The following PITPNM2 variants were observed in gnomAD, a reference collection of about 807,000 sequenced individuals.
The protein encoded by PITPNM2 is membrane-associated phosphatidylinositol transfer protein 2.
PITPNM2 carries 35 observed loss-of-function variants against 132.2 expected under a neutral mutation model. That is an observed-to-expected ratio of 0.26 (90% confidence interval 0.20 to 0.35). The LOEUF is 0.35. Among genes scored for constraint, PITPNM2 ranks in the 10% least tolerant of loss-of-function variants. PITPNM2 has a pLI of 1.00. For missense variants in PITPNM2, 1,332 were observed against 1,912.0 expected (o/e 0.70, Z 5.66); for synonymous variants, 738 against 799.2 (o/e 0.92, Z 1.29).
chr12:123,100,293 T>C (rs2042529427), intron 2 of PITPNM2, among the ~76,000 whole-genome samples: 1 of 152,198 alleles, frequency 6.6e-6, no homozygotes, highest in African/African-American at 2.4e-5. Flanking sequence ...ATTCCACTTG[T>C]AGGCATGTGC....
Position 123,078,924 on chromosome 12 carries a change from A to C in PITPNM2, c.-96+31461T>G, listed in dbSNP as rs1385997342. ...GCTGGGAAGAAAGCCACGAGACCTCAGTGGGGTCGCAGTCTCTCTTCTTGG... is the reference window on the plus strand; with the variant it reads ...GCTGGGAAGAAAGCCACGAGACCTCCGTGGGGTCGCAGTCTCTCTTCTTGG... On this transcript the variant is annotated intron_variant, in intron 2 of 25. Coordinates refer to ENST00000320201, the MANE Select transcript of PITPNM2 (RefSeq NM_020845.3). The surrounding 1 kb of genome is among the most constrained non-coding windows in gnomAD (Gnocchi z 7.3). Among the ~76,000 whole-genome samples the C allele has an allele frequency of 6.6e-6, 1 of 152,224 alleles. No homozygotes were observed. Among genetic ancestry groups the C allele is most frequent in the East Asian group, 1.9e-4 (1 of 5,200 alleles).
At chr12:123,068,429 C>T (rs999147229) in intron 2 of PITPNM2, among the ~76,000 whole-genome samples, 25 of 151,724 alleles carry the variant, frequency 1.6e-4, no homozygotes, top group African/African-American at 5.3e-4. Context: ...GCCTGGGCGA[C>T]AGAGCGAGAC....
In PITPNM2 at chr12:123,082,225, C is replaced by T. The variant is rs2041984902; in HGVS notation, c.-96+28160G>A. Reference sequence around the variant, plus strand: ...CCTGCCTTGGGGCATCTGTACTTGCCACTCTCCCTCCCCTCTGCTCAAGGG... The same window carrying T: ...CCTGCCTTGGGGCATCTGTACTTGCTACTCTCCCTCCCCTCTGCTCAAGGG... On this transcript the variant is annotated intron_variant, in intron 2 of 25. Coordinates refer to ENST00000320201, the MANE Select transcript of PITPNM2 (RefSeq NM_020845.3). The surrounding 1 kb of genome is among the most constrained non-coding windows in gnomAD (Gnocchi z 5.4). Among the ~76,000 whole-genome samples, 1 of 152,198 alleles carries T rather than the reference C, an allele frequency of 6.6e-6. No individual in the cohort carries two copies. Among genetic ancestry groups the T allele is most frequent in the East Asian group, 1.9e-4 (1 of 5,184 alleles).
chr12:122,990,578 C>T lies in PITPNM2; in HGVS notation c.2536G>A (p.Ala846Thr). 6.2e-7 allele frequency: 1 copy of T among 1,612,892 alleles called. No individual in the cohort carries two copies. Among genetic ancestry groups the T allele is most frequent in the Non-Finnish European group, 8.5e-7 (1 of 1,179,974 alleles). Residue 846 changes from alanine to threonine, a missense_variant, in exon 17 of 26, where the codon GCT (alanine) becomes ACT (threonine). Transcript: ENST00000320201. ...ATGCTGGATGCCGTGTAGCTCTCAG[C>T]CATGCCTGACACCTGGCTGGCGATG... Reference protein sequence around the residue: ...ISIASQVSGMAESYTASSIAQ... With the variant: ...ISIASQVSGMTESYTASSIAQ...
At chr12:123,100,769 A>C (rs2137224834) in intron 2 of PITPNM2, among the ~76,000 whole-genome samples, 1 of 152,372 alleles carries the variant, frequency 6.6e-6, no homozygotes, top group African/African-American at 2.4e-5. Context: ...ATGTCCGGAA[A>C]AGGCATTAGC....
In PITPNM2 at chr12:122,984,771, C is replaced by G. The variant is rs1594112591; in HGVS notation, c.*1256G>C. On this transcript the variant is annotated 3_prime_UTR_variant, in exon 26 of 26. Transcript: ENST00000320201. ...GCAGGCTCTCCCACTTCCGGGAAAG[C>G]CGAGGAGCAGCAGAGGGGCCGCCGG... The G allele has an allele frequency of 6.6e-6, 1 of 152,298 alleles. No individual in the cohort carries two copies. Among genetic ancestry groups the G allele is most frequent in the Admixed American group, 6.5e-5 (1 of 15,294 alleles). The allele number at this position is 152,298 out of a possible 1,614,324, so 9.4% of individuals were successfully genotyped here. A position where few individuals can be genotyped will look rare whatever the true frequency, so the allele number is the denominator to read the frequency against.
intron 2 of PITPNM2, among the ~76,000 whole-genome samples, chr12:123,073,318 T>C (rs949218680): frequency 3.3e-5 from 5 of 152,230 alleles, no homozygotes; most frequent in Non-Finnish European, 5.9e-5. Flanking sequence ...TTTTGTTCCA[T>C]CTGCCTTGCA....
Position 123,117,975 on chromosome 12 carries a change from C to T in PITPNM2, c.-199-7487G>A, listed in dbSNP as rs945404347. On this transcript the variant is annotated intron_variant, in intron 1 of 25. Transcript: ENST00000320201. The surrounding 1 kb of genome is among the most constrained non-coding windows in gnomAD (Gnocchi z 4.7). The stretch of plus-strand genomic sequence containing the variant: ...ACTGCACAGATTCACTGGAGAACTC[C>T]AGGGGAGCCCCAAGGGATGGGAGAG... Among the ~76,000 whole-genome samples the T allele has an allele frequency of 1.3e-5, 2 of 152,186 alleles. No individual in the cohort carries two copies. The highest frequency in any genetic ancestry group is 1.9e-4 in the East Asian group (1 of 5,192).
intron 2 of PITPNM2, among the ~76,000 whole-genome samples, chr12:123,056,410 C>T (rs1232817969): frequency 6.6e-6 from 1 of 152,196 alleles, no homozygotes; most frequent in Non-Finnish European, 1.5e-5. Flanking sequence ...TTTAGAGCTG[C>T]CCCAAAATGT....
chr12:123,133,143 C>T (rs978256406), intron 1 of PITPNM2, among the ~76,000 whole-genome samples: 1 of 152,194 alleles, frequency 6.6e-6, no homozygotes, highest in Non-Finnish European at 1.5e-5. Context: ...AATTGTCTTC[C>T]ACAGCAGCTG....
chr12:123,138,986 C>T (rs2043440646), intron 1 of PITPNM2, among the ~76,000 whole-genome samples: 1 of 151,434 alleles, frequency 6.6e-6, no homozygotes, highest in Non-Finnish European at 1.5e-5. Flanking sequence ...AAAAATTAGG[C>T]AATTAGCCAG....
At chr12:123,132,710 T>C (rs1022423449) in intron 1 of PITPNM2, among the ~76,000 whole-genome samples, 1 of 152,096 alleles carries the variant, frequency 6.6e-6, no homozygotes, top group African/African-American at 2.4e-5. Flanking sequence ...AACACTATTC[T>C]ACTTTCTGTA....
chr12:122,996,620 G>A (rs769302530), intron 12 of PITPNM2, 43 bp from the exon 13 acceptor site: 16 of 1,612,460 alleles, frequency 9.9e-6, no homozygotes, highest in East Asian at 4.5e-5. Flanking sequence ...TCACCCGCTC[G>A]CTGGACTATA....
intron 2 of PITPNM2, among the ~76,000 whole-genome samples, chr12:123,076,901 A>G (rs1049326032): frequency 2.6e-5 from 4 of 152,120 alleles, no homozygotes; most frequent in African/African-American, 9.6e-5. Flanking sequence ...GTTGACAACC[A>G]GGGGTTCTTT....
At position 122,986,412 on chromosome 12, in the gene PITPNM2, C is replaced by T. The variant is rs537810641; in HGVS notation, c.3726+24G>A. 73 of 1,566,610 alleles carry T rather than the reference C, an allele frequency of 4.7e-5. 1 individual carries two copies. The Middle Eastern group carries it at 6.7e-4, about 14-fold the overall frequency. Reference sequence around the variant, plus strand: ...GCTCCCCGAGCTGCCCGCCTGCACCCGCCCCCACAATGCGCCCACTCACCT... The same window carrying T: ...GCTCCCCGAGCTGCCCGCCTGCACCTGCCCCCACAATGCGCCCACTCACCT... On this transcript the variant is annotated intron_variant, in intron 25 of 25. Transcript: ENST00000320201.
intron 2 of PITPNM2, among the ~76,000 whole-genome samples, chr12:123,045,281 T>G (rs1053184508): frequency 6.6e-6 from 1 of 152,216 alleles, no homozygotes; most frequent in East Asian, 1.9e-4. Flanking sequence ...ATCCCCTTTA[T>G]AGCAAATCCT....
chr12:123,017,456 C>T (rs527302306), intron 3 of PITPNM2, among the ~76,000 whole-genome samples: 1 of 152,106 alleles, frequency 6.6e-6, no homozygotes, highest in East Asian at 1.9e-4. Flanking sequence ...TGGGTATGCA[C>T]CCAAAATAAC....
At chr12:123,140,902 A>T (rs2043492378) in intron 1 of PITPNM2, among the ~76,000 whole-genome samples, 1 of 152,078 alleles carries the variant, frequency 6.6e-6, no homozygotes. Context: ...CTCTTTGAAA[A>T]GGAAAAGCTA....
At chr12:123,003,121 C>T (rs1592932645) in intron 8 of PITPNM2, among the ~76,000 whole-genome samples, 1 of 152,292 alleles carries the variant, frequency 6.6e-6, no homozygotes, top group African/African-American at 2.4e-5. Context: ...AATTTCATAT[C>T]CTCTAACAGG....
Sources: allele counts gnomAD v4.1 joint callset (sites outside exome capture counted in the v4.1 genomes callset), GRCh38; gene constraint gnomAD v4.1.1; non-coding constraint Gnocchi (gnomAD v3.1); transcripts MANE v1.5; gene names NCBI Gene and HGNC (gene_info 2026-07-23, HGNC 2026-07-21).